The following HARS2 variants were observed in gnomAD, a reference collection of about 807,000 sequenced individuals.
The protein encoded by HARS2 is histidyl-tRNA synthetase 2, mitochondrial.
Under a neutral mutation model 62.4 loss-of-function variants are expected in HARS2, and 40 were observed. That is an observed-to-expected ratio of 0.64 (90% confidence interval 0.50 to 0.83). HARS2 has a LOEUF of 0.83. Among genes scored for constraint, HARS2 ranks in the 40% least tolerant of loss-of-function variants. The pLI, the probability that HARS2 is intolerant of heterozygous loss-of-function variation, is 0.00. For synonymous variants in HARS2, 228 were observed against 227.0 expected, an observed-to-expected ratio of 1.00 and a Z score of -0.04; for missense variants, 569 against 626.4, an observed-to-expected ratio of 0.91 and a Z score of 0.98.
intron 2 of HARS2, 21 bp downstream of exon 2, chr5:140,693,686 T>A (rs1381966590): frequency 6.3e-7 from 1 of 1,597,832 alleles, no homozygotes; most frequent in Non-Finnish European, 8.6e-7. Context: ...TTGCCTACCC[T>A]ATCCCATTAG....
chr5:140,696,726 G>C (rs1759757789), intron 8 of HARS2, 112 bp downstream of exon 8: 9 of 944,164 alleles, frequency 9.5e-6, no homozygotes, highest in Non-Finnish European at 1.6e-5. Context: ...TCCAGGGCCT[G>C]TCCTGAATTT....
rs1466277389 is a variant in HARS2 at position 140,694,233 on chromosome 5, C to T, written c.352C>T (p.Leu118=). 1 of 1,613,776 alleles carries T rather than the reference C, an allele frequency of 6.2e-7. No homozygotes were observed. The highest frequency in any genetic ancestry group is 1.3e-5 in the African/African-American group (1 of 74,934). ...AGAGGACTCTGGGCTCATGTATGAT[C>T]TGAAGGATCAAGGTGGAGAGCTGTT... The part of the protein sequence containing the change: ...YGEDSGLMYD[L]KDQGGELLSL... The change falls in exon 4 of 13, where the codon CTG becomes TTG. Residue 118 remains leucine, a synonymous_variant. Coordinates refer to ENST00000230771, the MANE Select transcript of HARS2 (RefSeq NM_012208.4).
At chr5:140,695,230 G>A (rs1759695594) in intron 4 of HARS2, among the ~76,000 whole-genome samples, 1 of 152,186 alleles carries the variant, frequency 6.6e-6, no homozygotes, top group East Asian at 1.9e-4. Flanking sequence ...CGATCTGAAT[G>A]GGCAGAAAGA....
rs764531628 is a variant in HARS2, at chr5:140,697,536, T to G, written c.1198-33T>G. ...TTGGAATTGCTGGTGGAAAGGAGGTTTTTATTAGTTTTACTTTCTTCTCTC... is the reference window on the plus strand; with the variant it reads ...TTGGAATTGCTGGTGGAAAGGAGGTGTTTATTAGTTTTACTTTCTTCTCTC... On this transcript the variant is annotated intron_variant, in intron 10 of 12. Coordinates refer to ENST00000230771, the MANE Select transcript of HARS2 (RefSeq NM_012208.4). 2.5e-6 allele frequency: 4 copies of G among 1,600,172 alleles called. No homozygotes were observed. In the South Asian group the frequency reaches 3.3e-5, roughly 13 times the overall value.
At chr5:140,693,353 T>C in intron 1 of HARS2, 2 of 702,842 alleles carry the variant, frequency 2.8e-6, no homozygotes, top group South Asian at 3.7e-5. Context: ...AAAAAATCCA[T>C]ATACAGTGAG....
At chr5:140,693,505 G>C in intron 1 of HARS2, 86 bp from the exon 2 acceptor site, 1 of 1,610,094 alleles carries the variant, frequency 6.2e-7, no homozygotes, top group Non-Finnish European at 8.5e-7. Context: ...AAGAGTCTTT[G>C]CAGGTTGGTG....
At chr5:140,696,045 A>G in intron 6 of HARS2, 58 bp from the exon 7 acceptor site, 2 of 1,259,848 alleles carry the variant, frequency 1.6e-6, no homozygotes, top group African/African-American at 1.5e-5. Context: ...AGGTACTGCC[A>G]TTGTTTTGAG....
chr5:140,697,174 AC>A lies in HARS2; in HGVS notation c.967del (p.Leu323SerfsTer7). On this transcript the variant is annotated frameshift_variant, in exon 10 of 13. Transcript: ENST00000230771. LOFTEE classifies it high-confidence loss of function. The part of the protein sequence containing the change: ...LFGIADKISF[D>X]LSLARGLDYY... ...ATCTTGTCCCCACAGATCTCCTTTG[AC>A]CTCAGCCTGGCTCGGGGCCTAGACT... The A allele has an allele frequency of 1.2e-6, 2 of 1,614,128 alleles. No homozygotes were observed. Among genetic ancestry groups the A allele is most frequent in the Non-Finnish European group, 1.7e-6 (2 of 1,180,016 alleles).
intron 1 of HARS2, 50 bp downstream of exon 1, chr5:140,691,806 C>T (rs1199134401): frequency 6.3e-6 from 8 of 1,262,918 alleles, no homozygotes; most frequent in Non-Finnish European, 9.0e-6. Flanking sequence ...GTCTCCAGAT[C>T]TGAACGCATA....
At chr5:140,698,201 ACACT>A (rs1222777744) in intron 12 of HARS2, 123 bp downstream of exon 12, 3 of 1,002,304 alleles carry the variant, frequency 3.0e-6, no homozygotes, top group Admixed American at 2.1e-5. Flanking sequence ...AGATGAACAA[ACACT>A]CACTCAAGAT....
chr5:140,696,183 C>G lies in HARS2; in HGVS notation c.714C>G (p.Ser238=). The change falls in exon 7 of 13, where the codon TCC becomes TCG. Residue 238 remains serine, a synonymous_variant. Transcript: ENST00000230771. ...PESKFRAICS[S]IDKLDKMAWK... ...GCAAGTTCCGTGCCATCTGCTCCTCCATAGATAAACTAGACAAGGTAACAA... is the reference window on the plus strand; with the variant it reads ...GCAAGTTCCGTGCCATCTGCTCCTCGATAGATAAACTAGACAAGGTAACAA... 3 of 1,609,520 alleles carry G rather than the reference C, an allele frequency of 1.9e-6. No homozygotes were observed. Among genetic ancestry groups the G allele is most frequent in the Non-Finnish European group, 2.6e-6 (3 of 1,175,814 alleles).
At position 140,695,476 on chromosome 5, in the gene HARS2, AGTATCCCTC is replaced by A; in HGVS notation, c.400-31_400-23del. 1.9e-6 allele frequency: 3 copies of A among 1,613,388 alleles called. 1 individual carries two copies. In the South Asian group the frequency reaches 3.3e-5, roughly 18 times the overall value. ...TATACTGGGCCTAATCTTTGGATGC[AGTATCCCTC>A]TTCCTTAACCCATTTATGTGAGGTT... On this transcript the variant is annotated intron_variant, in intron 4 of 12. Transcript: ENST00000230771.
rs369536729 is a variant in HARS2, at chr5:140,697,276, G to A, written c.1067G>A (p.Gly356Asp). 3.7e-5 allele frequency: 60 copies of A among 1,614,110 alleles called. No homozygotes were observed. Among genetic ancestry groups the A allele is most frequent in the Non-Finnish European group, 4.8e-5 (57 of 1,180,062 alleles). ...TQAGEEPLNV[G>D]SVAAGGRYDG... ...GCTGGGGAGGAGCCCCTGAATGTGG[G>A]CAGTGTGGCTGCTGGTGGGCGCTAT... The change falls in exon 10 of 13, where the codon GGC (glycine) becomes GAC (aspartate). Residue 356 changes from glycine (G) to aspartate (D), a missense_variant. Physicochemically the swap from Gly to Asp is moderately conservative, Grantham distance 94 (BLOSUM62 -1). Coordinates refer to ENST00000230771, the MANE Select transcript of HARS2 (RefSeq NM_012208.4).
At position 140,695,503 on chromosome 5, in the gene HARS2, G is replaced by A. The variant is rs1759704460; in HGVS notation, c.400-5G>A. On this transcript the variant is annotated splice_region_variant and splice_polypyrimidine_tract_variant and intron_variant, in intron 4 of 12. Coordinates refer to ENST00000230771, the MANE Select transcript of HARS2 (RefSeq NM_012208.4). The stretch of plus-strand genomic sequence containing the variant: ...TATCCCTCTTCCTTAACCCATTTAT[G>A]TGAGGTTCCCTTTGCTCGTTATCTG... 6.2e-7 allele frequency: 1 copy of A among 1,614,060 alleles called. No homozygotes were observed. Among genetic ancestry groups the A allele is most frequent in the African/African-American group, 1.3e-5 (1 of 75,030 alleles).
At chr5:140,693,340 A>G in intron 1 of HARS2, 1 of 697,190 alleles carries the variant, frequency 1.4e-6, no homozygotes, top group Non-Finnish European at 2.4e-6. Flanking sequence ...TCAAAAAAAA[A>G]AAAAAAAATC....
chr5:140,699,014 G>T lies in HARS2; in HGVS notation c.*462G>T. 1 of 266,406 alleles carries T rather than the reference G, an allele frequency of 3.8e-6. No homozygotes were observed. Among genetic ancestry groups the T allele is most frequent in the Non-Finnish European group, 7.4e-6 (1 of 135,692 alleles). The allele number at this position is 266,406 out of a possible 1,614,324, so 16.5% of individuals were successfully genotyped here. ...GGAGTTTTTGGAAGACAGCAAAGAG[G>T]GGCAATGGCTGCTTTCAGCTTTGAG... On this transcript the variant is annotated 3_prime_UTR_variant, in exon 13 of 13. Transcript: ENST00000230771.
In HARS2 at chr5:140,696,107, A is replaced by G; in HGVS notation, c.638A>G (p.Asn213Ser). ...LQLGDFLIKV[N>S]DRRIVDGMFA... ...TCACTGACATTGAGTTCTCAGGTAAATGACCGGCGGATTGTGGATGGGATG... is the reference window on the plus strand; with the variant it reads ...TCACTGACATTGAGTTCTCAGGTAAGTGACCGGCGGATTGTGGATGGGATG... Residue 213 changes from asparagine (N) to serine (S), a missense_variant, in exon 7 of 13, where the codon AAT (asparagine) becomes AGT (serine). By Grantham distance (46) the Asn-to-Ser change is conservative. Transcript: ENST00000230771. 1 of 1,613,372 alleles carries G rather than the reference A, an allele frequency of 6.2e-7. No homozygotes were observed. The highest frequency in any genetic ancestry group is 8.5e-7 in the Non-Finnish European group (1 of 1,179,386).
chr5:140,695,225 T>C, intron 4 of HARS2, among the ~76,000 whole-genome samples: 1 of 152,218 alleles, frequency 6.6e-6, no homozygotes, highest in Non-Finnish European at 1.5e-5. Flanking sequence ...GGAATCGATC[T>C]GAATGGGCAG....
chr5:140,698,112 G>A, intron 12 of HARS2, 34 bp downstream of exon 12: 1 of 1,596,920 alleles, frequency 6.3e-7, no homozygotes, highest in East Asian at 2.2e-5. Flanking sequence ...AAGGGACGAA[G>A]TATTTCTGCC....
Sources: allele counts gnomAD v4.1 joint callset (sites outside exome capture counted in the v4.1 genomes callset), GRCh38; gene constraint gnomAD v4.1.1; transcripts MANE v1.5; gene names NCBI Gene and HGNC (gene_info 2026-07-23, HGNC 2026-07-21).